GMEB2: variants seen among roughly 807,000 people sequenced by gnomAD.
The protein encoded by GMEB2 is glucocorticoid modulatory element binding protein 2, also known as glucocorticoid modulatory element-binding protein 2.
GMEB2 carries 7 observed loss-of-function variants against 45.7 expected under a neutral mutation model. That is an observed-to-expected ratio of 0.15 (90% CI 0.09 to 0.29). The LOEUF (loss-of-function observed/expected upper bound fraction) is 0.29, where lower values mean the gene tolerates loss of function less well. Among genes scored for constraint, GMEB2 ranks in the 10% least tolerant of loss-of-function variants. The pLI is 1.00. For missense variants in GMEB2, 582 were observed against 739.2 expected (o/e 0.79, Z 2.47); for synonymous variants, 322 against 323.6 (o/e 1.00, Z 0.05).
Position 63,588,326 on chromosome 20 carries a change from C to T in GMEB2, c.*1763G>A, listed in dbSNP as rs6089929. 27,518 of 157,192 alleles carry T rather than the reference C, an allele frequency of 0.18. 3,358 individuals are homozygous for T. Among genetic ancestry groups the T allele is most frequent in the East Asian group, 0.54 (2,963 of 5,488 alleles). 9.7% of individuals were successfully genotyped at this position (157,192 alleles called of 1,614,324 possible). ...ACAAAGGGAAGCAGCTGGAAGGTTGCGGGTCCCAGGGTCACAGGCAGCTGT... is the reference window on the plus strand; with the variant it reads ...ACAAAGGGAAGCAGCTGGAAGGTTGTGGGTCCCAGGGTCACAGGCAGCTGT... On this transcript the variant is annotated 3_prime_UTR_variant, in exon 10 of 10. Coordinates refer to ENST00000370077, the MANE Select transcript of GMEB2 (RefSeq NM_012384.5).
In GMEB2 at chr20:63,624,599, G is replaced by C. The variant is rs1055646708; in HGVS notation, c.-58+2357C>G. The stretch of plus-strand genomic sequence containing the variant: ...AGCAGAGAGCTGCAAAGAGGCAACA[G>C]CCTCACTGCAGGCAGGGGTCCTCGT... On this transcript the variant is annotated intron_variant, in intron 1 of 9. Transcript: ENST00000370077. Among the ~76,000 whole-genome samples the C allele has an allele frequency of 1.2e-4, 18 of 152,344 alleles. No homozygotes were observed. In the South Asian group the frequency reaches 2.1e-3, roughly 18 times the overall value.
chr20:63,615,266 G>T (rs2089600128), intron 2 of GMEB2, among the ~76,000 whole-genome samples: 1 of 152,170 alleles, frequency 6.6e-6, no homozygotes, highest in South Asian at 2.1e-4. Flanking sequence ...GACTAAATGG[G>T]ATGGTCTCCA....
At chr20:63,626,230 A>ATCCCTGTGGGTCTCGTCCCTGTGGGGTGT (rs1555895482) in intron 1 of GMEB2, among the ~76,000 whole-genome samples, 1 of 146,764 alleles carries the variant, frequency 6.8e-6, no homozygotes, top group Non-Finnish European at 1.5e-5. Flanking sequence ...CAGTGGGGTG[A>ATCCCTGTGGGTCTCGTCCCTGTGGGGTGT]TCCCTGCGGG....
At chr20:63,609,532 T>C (rs147070291) in intron 2 of GMEB2, among the ~76,000 whole-genome samples, 2 of 27,040 alleles carry the variant, frequency 7.4e-5, no homozygotes, top group Non-Finnish European at 1.2e-4. Context: ...CCTCCATTTC[T>C]AGAAACATGC....
At chr20:63,597,665 C>T (rs918365944) in intron 5 of GMEB2, 92 bp downstream of exon 5, 7 of 760,364 alleles carry the variant, frequency 9.2e-6, no homozygotes, top group African/African-American at 1.7e-5. Context: ...ATCTAAAATA[C>T]GCCTCATCTT....
rs778018652 is a variant in GMEB2, at chr20:63,595,746, T to A, written c.483A>T (p.Glu161Asp). 3 of 1,613,970 alleles carry A rather than the reference T, an allele frequency of 1.9e-6. No homozygotes were observed. The highest frequency in any genetic ancestry group is 2.5e-6 in the Non-Finnish European group (3 of 1,179,850). ...IMLRKIMDSG[E>D]LDFYQHDKVC... Reference sequence around the variant, plus strand: ...CCTTGTCATGCTGGTAGAAGTCCAGTTCCCCGGAGTCCATGATCTTCCTGT... The same window carrying A: ...CCTTGTCATGCTGGTAGAAGTCCAGATCCCCGGAGTCCATGATCTTCCTGT... The change falls in exon 6 of 10, where the codon GAA becomes GAT. Residue 161 changes from glutamate to aspartate, a missense_variant. Transcript: ENST00000370077.
At chr20:63,595,028 C>T (rs2083182287) in intron 6 of GMEB2, among the ~76,000 whole-genome samples, 1 of 152,210 alleles carries the variant, frequency 6.6e-6, no homozygotes, top group African/African-American at 2.4e-5. Flanking sequence ...AGCCACCACA[C>T]CCAGCCTAAC....
At chr20:63,595,906 C>A (rs1242946426) in intron 5 of GMEB2, 139 bp from the exon 6 acceptor site, 2 of 684,940 alleles carry the variant, frequency 2.9e-6, no homozygotes, top group Non-Finnish European at 5.0e-6. Flanking sequence ...GCAGGGTGGG[C>A]TCTACTTCCC....
chr20:63,598,343 GACACACACACACACAC>G (rs67747559), intron 4 of GMEB2, among the ~76,000 whole-genome samples: 1 of 146,052 alleles, frequency 6.8e-6, no homozygotes. Context: ...CTCTCACTCT[GACACACACACACACAC>G]ACACACACAC....
intron 2 of GMEB2, among the ~76,000 whole-genome samples, chr20:63,613,757 C>T (rs1210287229): frequency 6.6e-6 from 1 of 152,128 alleles, no homozygotes; most frequent in African/African-American, 2.4e-5. Flanking sequence ...AGTGATCCAC[C>T]CACCCTGGCC....
At position 63,614,469 on chromosome 20, in the gene GMEB2, T is replaced by C. The variant is rs189278231; in HGVS notation, c.131+4798A>G. On this transcript the variant is annotated intron_variant, in intron 2 of 9. Transcript: ENST00000370077. ...TGCCAAGTGGACCGTGGTCTAGCGG[T>C]AGCCTCAGTGTCAAGGAAAAACACC... is the stretch of plus-strand genomic sequence containing the variant. 1.0e-3 allele frequency among the ~76,000 whole-genome samples: 158 copies of C among 152,296 alleles called. 2 individuals are homozygous for C. The highest frequency in any genetic ancestry group is 1.9e-3 in the Non-Finnish European group (126 of 68,010).
At position 63,592,017 on chromosome 20, in the gene GMEB2, C is replaced by T. The variant is rs1345051757; in HGVS notation, c.952+5G>A. ...GGGGACGGGACGGGGGTGGTCTCAG[C>T]ATACCTGCCAGGTCCCGGGCGTACT... is the stretch of plus-strand genomic sequence containing the variant. On this transcript the variant is annotated splice_donor_5th_base_variant and intron_variant, in intron 9 of 9. Transcript: ENST00000370077. This position sits in a 1 kb window ranked among gnomAD's most constrained non-coding sequence, Gnocchi z 8.2. The T allele has an allele frequency of 3.1e-6, 5 of 1,607,312 alleles. No homozygotes were observed. Among genetic ancestry groups the T allele is most frequent in the East Asian group, 2.2e-5 (1 of 44,830 alleles).
intron 5 of GMEB2, among the ~76,000 whole-genome samples, chr20:63,597,164 G>GT (rs10627120): frequency 0.079 from 10,469 of 132,384 alleles, 819 homozygotes; most frequent in African/African-American, 0.17. Context: ...TTTTATTCTT[G>GT]TTTTTTTTTT....
At chr20:63,596,168 G>C (rs1007430559) in intron 5 of GMEB2, among the ~76,000 whole-genome samples, 1 of 152,252 alleles carries the variant, frequency 6.6e-6, no homozygotes, top group Non-Finnish European at 1.5e-5. Flanking sequence ...GCAGAGGAAG[G>C]TGGGAAATCA....
At chr20:63,609,363 A>C (rs1298668371) in intron 2 of GMEB2, among the ~76,000 whole-genome samples, 2 of 125,786 alleles carry the variant, frequency 1.6e-5, no homozygotes, top group Non-Finnish European at 3.4e-5. Context: ...ATCCATTTCT[A>C]GAAACATGCC....
intron 3 of GMEB2, among the ~76,000 whole-genome samples, chr20:63,603,424 T>C (rs1338708598): frequency 6.6e-6 from 1 of 152,220 alleles, no homozygotes; most frequent in Non-Finnish European, 1.5e-5. Flanking sequence ...TTCTAGGGCC[T>C]TTAATCTCAG....
At chr20:63,591,169 A>C (rs369674903) in intron 9 of GMEB2, among the ~76,000 whole-genome samples, 1 of 152,148 alleles carries the variant, frequency 6.6e-6, no homozygotes, top group Admixed American at 6.5e-5. Context: ...GTTTAAACAT[A>C]AACATGCACA....
intron 2 of GMEB2, among the ~76,000 whole-genome samples, chr20:63,606,939 G>C (rs114018006): frequency 6.6e-6 from 1 of 152,322 alleles, no homozygotes; most frequent in African/African-American, 2.4e-5. Flanking sequence ...TCTTGGGATG[G>C]TGGTGCCGGC....
At chr20:63,613,266 A>G (rs974260281) in intron 2 of GMEB2, among the ~76,000 whole-genome samples, 2 of 152,218 alleles carry the variant, frequency 1.3e-5, no homozygotes, top group Non-Finnish European at 2.9e-5. Flanking sequence ...AACATCCTAG[A>G]AAAAAAGCTC....
Sources: gnomAD v4.1 joint callset for allele counts (sites outside exome capture counted in the v4.1 genomes callset) on GRCh38, gnomAD v4.1.1 for gene constraint, Gnocchi (gnomAD v3.1) non-coding constraint, MANE v1.5 for transcripts, NCBI Gene and HGNC (gene_info 2026-07-23, HGNC 2026-07-21) for gene names.